DLC1: variants seen among roughly 807,000 people sequenced by gnomAD.
The protein encoded by DLC1 is DLC1 Rho GTPase activating protein.
Under a neutral mutation model 140.3 loss-of-function variants are expected in DLC1, and 54 were observed. The observed-to-expected ratio is 0.38, with a 90% CI of 0.31 to 0.48. DLC1 has a LOEUF of 0.48. DLC1 is among the 20% of genes least tolerant of loss of function. The pLI is 0.96. For missense variants in DLC1, 2,536 were observed against 1,907.0 expected, an observed-to-expected ratio of 1.33 and a Z score of -6.14; for synonymous variants, 986 against 728.1, an observed-to-expected ratio of 1.35 and a Z score of -5.70.
intron 5 of DLC1, among the ~76,000 whole-genome samples, chr8:13,153,264 G>A (rs971917549): frequency 2.0e-5 from 3 of 152,028 alleles, no homozygotes; most frequent in Non-Finnish European, 4.4e-5. Context: ...GCTGATCTTC[G>A]CTGTGAGTGT....
intron 5 of DLC1, among the ~76,000 whole-genome samples, chr8:13,258,220 C>T (rs188293754): frequency 1.3e-5 from 2 of 152,270 alleles, no homozygotes; most frequent in Admixed American, 6.5e-5. Context: ...TCAAATACCC[C>T]CTCCTTCACA....
chr8:13,225,900 C>G (rs1047924757), intron 5 of DLC1, among the ~76,000 whole-genome samples: 9 of 151,960 alleles, frequency 5.9e-5, no homozygotes, highest in African/African-American at 2.2e-4. Context: ...CAGGCGTGAG[C>G]CACCGCGCCT....
chr8:13,527,349 C>G (rs961476918), intron 1 of DLC1, among the ~76,000 whole-genome samples: 1 of 152,228 alleles, frequency 6.6e-6, no homozygotes, highest in South Asian at 2.1e-4. Context: ...TTTTAGTCAG[C>G]ATGAAGCTTT....
chr8:13,575,950 C>T (rs1348713840), intron 1 of DLC1, among the ~76,000 whole-genome samples: 1 of 152,138 alleles, frequency 6.6e-6, no homozygotes, highest in Non-Finnish European at 1.5e-5. Flanking sequence ...AGTTATTTTC[C>T]TCAAAGGAGC....
chr8:13,358,653 T>C (rs575852164), intron 4 of DLC1, among the ~76,000 whole-genome samples: 19 of 151,808 alleles, frequency 1.3e-4, no homozygotes, highest in African/African-American at 4.6e-4. Context: ...AGTTTTCTAG[T>C]ACCCTCAAAA....
chr8:13,296,014 G>T (rs1158791373), intron 5 of DLC1, among the ~76,000 whole-genome samples: 4 of 143,892 alleles, frequency 2.8e-5, no homozygotes, highest in African/African-American at 7.9e-5. Context: ...GTGCAGTAGG[G>T]CGATCTTGGC....
At chr8:13,604,027 T>A (rs1440908421) in intron 1 of DLC1, among the ~76,000 whole-genome samples, 1 of 152,078 alleles carries the variant, frequency 6.6e-6, no homozygotes, top group African/African-American at 2.4e-5. Context: ...TATAAAAATA[T>A]TTTTTTCTAA....
intron 1 of DLC1, among the ~76,000 whole-genome samples, chr8:13,526,666 G>A (rs1015170465): frequency 1.8e-4 from 28 of 151,964 alleles, no homozygotes; most frequent in East Asian, 3.9e-4. Context: ...GCAAACTATC[G>A]CAAGGACAGA....
At chr8:13,289,828 T>C (rs779734219) in intron 5 of DLC1, among the ~76,000 whole-genome samples, 2 of 152,210 alleles carry the variant, frequency 1.3e-5, no homozygotes, top group Non-Finnish European at 2.9e-5. Context: ...ACAGCCCCAT[T>C]CTCTTTTTGT....
intron 2 of DLC1, among the ~76,000 whole-genome samples, chr8:13,480,835 T>C (rs1800698536): frequency 6.6e-6 from 1 of 151,702 alleles, no homozygotes; most frequent in Admixed American, 6.6e-5. Flanking sequence ...GCTTGGGAGG[T>C]AGAGGTTGCA....
chr8:13,178,856 G>A (rs2116965444), intron 5 of DLC1, among the ~76,000 whole-genome samples: 1 of 152,222 alleles, frequency 6.6e-6, no homozygotes, highest in East Asian at 1.9e-4. Flanking sequence ...AATAAGTACA[G>A]TTTGGAAAAT....
intron 4 of DLC1, among the ~76,000 whole-genome samples, chr8:13,329,871 A>T (rs1226837395): frequency 7.4e-6 from 1 of 135,794 alleles, no homozygotes. Context: ...TGATATATAC[A>T]CAAGTGTACA....
chr8:13,103,515 A>T (rs1407448389), intron 7 of DLC1, among the ~76,000 whole-genome samples: 1 of 151,950 alleles, frequency 6.6e-6, no homozygotes, highest in African/African-American at 2.4e-5. Context: ...AGGTTGAGCC[A>T]TTATGGACTG....
intron 1 of DLC1, among the ~76,000 whole-genome samples, chr8:13,579,988 TG>T (rs1441019150): frequency 6.6e-6 from 1 of 152,116 alleles, no homozygotes; most frequent in African/African-American, 2.4e-5. Context: ...TGGACTATGC[TG>T]GGCTCCAGGC....
intron 4 of DLC1, among the ~76,000 whole-genome samples, chr8:13,320,824 G>A (rs1833072156): frequency 6.6e-6 from 1 of 152,170 alleles, no homozygotes; most frequent in South Asian, 2.1e-4. Flanking sequence ...AGACCAGCCT[G>A]AGTAACAGAG....
chr8:13,343,596 C>T (rs1484603913), intron 4 of DLC1, among the ~76,000 whole-genome samples: 1 of 152,064 alleles, frequency 6.6e-6, no homozygotes, highest in Admixed American at 6.6e-5. Context: ...GTTGTTATCC[C>T]CATTTTGTCC....
At chr8:13,577,996 G>A (rs987325569) in intron 1 of DLC1, among the ~76,000 whole-genome samples, 2 of 148,112 alleles carry the variant, frequency 1.4e-5, no homozygotes, top group East Asian at 2.0e-4. Flanking sequence ...CTGAGGATCA[G>A]GTTCTATAGA....
chr8:13,359,916 T>C (rs1482676102), intron 4 of DLC1, among the ~76,000 whole-genome samples: 1 of 152,218 alleles, frequency 6.6e-6, no homozygotes, highest in African/African-American at 2.4e-5. Flanking sequence ...ATATTGCAGA[T>C]GCATTTACAC....
intron 2 of DLC1, among the ~76,000 whole-genome samples, chr8:13,405,941 C>CT (rs1837521675): frequency 1.0e-5 from 1 of 96,286 alleles, no homozygotes; most frequent in Non-Finnish European, 2.1e-5. Flanking sequence ...TTCTTTCTTT[C>CT]TTTCTTTCTT....
Sources: gnomAD v4.1 joint callset for allele counts (sites outside exome capture counted in the v4.1 genomes callset) on GRCh38, gnomAD v4.1.1 for gene constraint, MANE v1.5 for transcripts, NCBI Gene and HGNC (gene_info 2026-07-23, HGNC 2026-07-21) for gene names.